SUPT20H: variants seen among roughly 807,000 people sequenced by gnomAD.
SUPT20H encodes transcription factor SPT20 homolog.
Under a neutral mutation model 122.8 loss-of-function variants are expected in SUPT20H, and 82 were observed. The observed-to-expected ratio is 0.67, with a 90% confidence interval of 0.56 to 0.80. The LOEUF (loss-of-function observed/expected upper bound fraction) is 0.80. Ranked by LOEUF, SUPT20H falls within the 30% of genes least tolerant of loss-of-function variation. The pLI is 0.00. For missense variants in SUPT20H, 831 were observed against 921.6 expected (o/e 0.90, Z 1.27); for synonymous variants, 291 against 313.0 (o/e 0.93, Z 0.74).
At chr13:37,017,587 T>TA (rs2060736151) in intron 22 of SUPT20H, among the ~76,000 whole-genome samples, 1 of 152,234 alleles carries the variant, frequency 6.6e-6, no homozygotes, top group Non-Finnish European at 1.5e-5. Flanking sequence ...CTAATACTCT[T>TA]AAACATAAAT....
At chr13:37,046,707 T>C (rs1461513390) in intron 5 of SUPT20H, among the ~76,000 whole-genome samples, 2 of 152,154 alleles carry the variant, frequency 1.3e-5, no homozygotes, top group Non-Finnish European at 2.9e-5. Flanking sequence ...CTTGTAGTGA[T>C]GGTTTCATGA....
At chr13:37,024,759 C>A in intron 17 of SUPT20H, 1 of 189,694 alleles carries the variant, frequency 5.3e-6, no homozygotes, top group Admixed American at 5.8e-5. Context: ...TTCCACTCTT[C>A]CATACTTATC....
intron 6 of SUPT20H, among the ~76,000 whole-genome samples, chr13:37,044,887 G>T (rs1261219154): frequency 6.6e-6 from 1 of 151,846 alleles, no homozygotes; most frequent in Non-Finnish European, 1.5e-5. Context: ...AATATAAATA[G>T]CAATAGAATG....
At position 37,021,568 on chromosome 13, in the gene SUPT20H, T is replaced by C; in HGVS notation, c.1696A>G (p.Met566Val). 1 of 1,613,540 alleles carries C rather than the reference T, an allele frequency of 6.2e-7. No individual in the cohort carries two copies. Among genetic ancestry groups the C allele is most frequent in the Non-Finnish European group, 8.5e-7 (1 of 1,179,912 alleles). The change falls in exon 21 of 26, where the codon ATG becomes GTG. Residue 566 changes from methionine to valine, a missense_variant. Met to Val is a conservative substitution (Grantham distance 21). Transcript: ENST00000350612. ...ATGGCACCAGTGTTACAGCCCAGCA[T>C]GGGGTTTGAACCACTCATCAAAGCC... is the stretch of plus-strand genomic sequence containing the variant. ...AQALMSGSNP[M>V]LGCNTGAITP...
At position 37,028,281 on chromosome 13, in the gene SUPT20H, C is replaced by G. The variant is rs1334126318; in HGVS notation, c.1018G>C (p.Glu340Gln). 7.4e-6 allele frequency: 12 copies of G among 1,610,788 alleles called. No individual in the cohort carries two copies. Among genetic ancestry groups the G allele is most frequent in the Admixed American group, 3.4e-5 (2 of 59,244 alleles). Reference protein sequence around the residue: ...AHDVKDDYVFECEAGTQYQKT... With the variant: ...AHDVKDDYVFQCEAGTQYQKT... The stretch of plus-strand genomic sequence containing the variant: ...TGATACTGAGTACCAGCTTCACATT[C>G]AAATACATAATCATCTTTTACATCC... Residue 340 changes from glutamate (E) to glutamine (Q), a missense_variant, in exon 14 of 26, where the codon GAA (glutamate) becomes CAA (glutamine). By Grantham distance (29) the Glu-to-Gln change is conservative. Coordinates refer to ENST00000350612, the MANE Select transcript of SUPT20H (RefSeq NM_001014286.3).
intron 25 of SUPT20H, 124 bp from the exon 26 acceptor site, chr13:37,009,933 A>G: frequency 7.5e-7 from 1 of 1,338,576 alleles, no homozygotes; most frequent in South Asian, 1.5e-5. Flanking sequence ...ACAAAAAGGG[A>G]CTATACCACA....
Position 37,009,755 on chromosome 13 carries a change from C to G in SUPT20H, c.2257G>C (p.Ala753Pro), listed in dbSNP as rs902550232. 4 of 1,613,800 alleles carry G rather than the reference C, an allele frequency of 2.5e-6. No individual in the cohort carries two copies. Among genetic ancestry groups the G allele is most frequent in the Middle Eastern group, 1.6e-4 (1 of 6,084 alleles). The part of the protein sequence containing the change: ...MAMAAAAAQT[A>P]QLHHHRHTGS... ...GTATGCCGATGATGATGTAGCTGAG[C>G]TGTTTGTGCTGCTGCTGCTGCCATA... The change falls in exon 26 of 26, where the codon GCT (alanine) becomes CCT (proline). Residue 753 changes from alanine to proline, a missense_variant. Ala to Pro is a conservative substitution (Grantham distance 27, BLOSUM62 -1). Transcript: ENST00000350612.
In SUPT20H at chr13:37,009,534, G is replaced by A. The variant is rs2059219311; in HGVS notation, c.*138C>T. On this transcript the variant is annotated 3_prime_UTR_variant, in exon 26 of 26. Coordinates refer to ENST00000350612, the MANE Select transcript of SUPT20H (RefSeq NM_001014286.3). ...CCCTGTTTTTATTTAAAAATGATAA[G>A]GTTGTGCTTCTGTATAAAGTTTGTA... The A allele has an allele frequency of 5.5e-6, 6 of 1,085,730 alleles. No individual in the cohort carries two copies. The highest frequency in any genetic ancestry group is 4.1e-5 in the Admixed American group (2 of 48,986). 67.3% of individuals were successfully genotyped at this position (1,085,730 alleles called of 1,614,324 possible). A position where few individuals can be genotyped will look rare whatever the true frequency, so the allele number is the denominator to read the frequency against.
chr13:37,025,968 A>C (rs1166329773), intron 16 of SUPT20H: 2 of 372,404 alleles, frequency 5.4e-6, no homozygotes, highest in Admixed American at 9.0e-5. Flanking sequence ...GGTGTATCAC[A>C]AGCTTACAGA....
In SUPT20H at chr13:37,046,947, C is replaced by T. The variant is rs1480016124; in HGVS notation, c.165+588G>A. On this transcript the variant is annotated intron_variant, in intron 5 of 25. Coordinates refer to ENST00000350612, the MANE Select transcript of SUPT20H (RefSeq NM_001014286.3). Reference sequence around the variant, plus strand: ...TGTATTCATTTTTAAAGACAGACAACAAAAGCTCATAGAGACGTTTAGACC... The same window carrying T: ...TGTATTCATTTTTAAAGACAGACAATAAAAGCTCATAGAGACGTTTAGACC... 9 of 152,068 alleles carry T rather than the reference C, an allele frequency of 5.9e-5. 1 individual carries two copies. The highest frequency in any genetic ancestry group is 5.9e-4 in the Admixed American group (9 of 15,260). 9.4% of individuals were successfully genotyped at this position (152,068 alleles called of 1,614,324 possible).
rs1680911770 is a variant in SUPT20H, at chr13:37,051,573, A to G, written c.-83T>C. On this transcript the variant is annotated 5_prime_UTR_variant, in exon 2 of 26. Coordinates refer to ENST00000350612, the MANE Select transcript of SUPT20H (RefSeq NM_001014286.3). ...GGTGAACACCATGCCTTTAACATCA[A>G]TCTTACAGTACTGAAAAGCAAAAAC... 4 of 1,313,862 alleles carry G rather than the reference A, an allele frequency of 3.0e-6. No individual in the cohort carries two copies. Among genetic ancestry groups the G allele is most frequent in the South Asian group, 1.3e-5 (1 of 77,258 alleles). 81.4% of individuals were successfully genotyped at this position (1,313,862 alleles called of 1,614,324 possible).
chr13:37,009,884 G>A (rs765583215), intron 25 of SUPT20H, 75 bp from the exon 26 acceptor site: 188 of 1,531,312 alleles, frequency 1.2e-4, no homozygotes, highest in Non-Finnish European at 1.3e-4. Flanking sequence ...CCTGAGTGAC[G>A]AAACAACACA....
chr13:37,053,571 C>T (rs1034226263), intron 1 of SUPT20H, among the ~76,000 whole-genome samples: 2 of 151,916 alleles, frequency 1.3e-5, no homozygotes, highest in Non-Finnish European at 2.9e-5. Flanking sequence ...ATACCTAACA[C>T]ATGCGGGGCT....
rs1452451852 is a variant in SUPT20H at position 37,012,227 on chromosome 13, G to C, written c.2063C>G (p.Thr688Ser). The C allele has an allele frequency of 6.2e-7, 1 of 1,613,272 alleles. No individual in the cohort carries two copies. Among genetic ancestry groups the C allele is most frequent in the Admixed American group, 1.7e-5 (1 of 59,994 alleles). ...TGACTGCATAAAACTTCCTACTCCAGTAAGGTTAATAACAGCAGCTTGCTG... is the reference window on the plus strand; with the variant it reads ...TGACTGCATAAAACTTCCTACTCCACTAAGGTTAATAACAGCAGCTTGCTG... ...SAQQAAVINL[T>S]GVGSFMQSQA... The change falls in exon 24 of 26, where the codon ACT (threonine) becomes AGT (serine). Residue 688 changes from threonine (T) to serine (S), a missense_variant. Physicochemically the swap from Thr to Ser is moderately conservative, Grantham distance 58 (BLOSUM62 1). Coordinates refer to ENST00000350612, the MANE Select transcript of SUPT20H (RefSeq NM_001014286.3).
At position 37,009,559 on chromosome 13, in the gene SUPT20H, A is replaced by T; in HGVS notation, c.*113T>A. The T allele has an allele frequency of 1.6e-6, 2 of 1,233,990 alleles. No individual in the cohort carries two copies. Among genetic ancestry groups the T allele is most frequent in the Non-Finnish European group, 2.4e-6 (2 of 845,128 alleles). The allele number at this position is 1,233,990 out of a possible 1,614,324, so 76.4% of individuals were successfully genotyped here. On this transcript the variant is annotated 3_prime_UTR_variant, in exon 26 of 26. Coordinates refer to ENST00000350612, the MANE Select transcript of SUPT20H (RefSeq NM_001014286.3). Reference sequence around the variant, plus strand: ...GGTTGTGCTTCTGTATAAAGTTTGTACATCTAGCAATGTAAAATACTGACA... The same window carrying T: ...GGTTGTGCTTCTGTATAAAGTTTGTTCATCTAGCAATGTAAAATACTGACA...
At chr13:37,058,157 T>C (rs1054845454) in intron 1 of SUPT20H, among the ~76,000 whole-genome samples, 1 of 151,762 alleles carries the variant, frequency 6.6e-6, no homozygotes, top group East Asian at 1.9e-4. Context: ...TCCCAGCTAC[T>C]CCGGAGGCTG....
At chr13:37,034,418 G>T (rs1036796823) in intron 9 of SUPT20H, among the ~76,000 whole-genome samples, 1 of 152,230 alleles carries the variant, frequency 6.6e-6, no homozygotes, top group Non-Finnish European at 1.5e-5. Context: ...CTGGATAGAA[G>T]ATCAAACTAG....
chr13:37,024,267 A>C, intron 18 of SUPT20H, 73 bp downstream of exon 18: 1 of 1,521,540 alleles, frequency 6.6e-7, no homozygotes, highest in Non-Finnish European at 8.8e-7. Flanking sequence ...AAAATGGGGC[A>C]AAGTTTTAAA....
chr13:37,045,998 A>C (rs1222283089), intron 5 of SUPT20H, among the ~76,000 whole-genome samples: 2 of 152,142 alleles, frequency 1.3e-5, no homozygotes, highest in Non-Finnish European at 2.9e-5. Context: ...ATAATTTAAA[A>C]TAAAACCTAC....
Sources: gnomAD v4.1 joint callset for allele counts (sites outside exome capture counted in the v4.1 genomes callset) on GRCh38, gnomAD v4.1.1 for gene constraint, MANE v1.5 for transcripts, NCBI Gene and HGNC (gene_info 2026-07-23, HGNC 2026-07-21) for gene names.